The following OR9Q1 variants were observed in gnomAD, a reference collection of about 807,000 sequenced individuals.
OR9Q1 encodes olfactory receptor family 9 subfamily Q member 1, also known as olfactory receptor 9Q1.
For synonymous variants in OR9Q1, 153 were observed against 148.6 expected (o/e 1.03, Z -0.22); for missense variants, 374 against 378.8 (o/e 0.99, Z 0.11).
chr11:58,125,248 C>G (rs1185590592), intron 2 of OR9Q1: 1 of 105,698 alleles, frequency 9.5e-6, no homozygotes, highest in Non-Finnish European at 1.8e-5. Flanking sequence ...CGCCCCCCCC[C>G]CAAAAAAAAG....
At chr11:58,030,858 A>G (rs1479418120) in intron 1 of OR9Q1, 1 of 748,098 alleles carries the variant, frequency 1.3e-6, no homozygotes, top group Non-Finnish European at 2.3e-6. Flanking sequence ...CTGAAGTGAA[A>G]GGCATTTTAG....
At chr11:58,101,216 GT>G (rs1392614465) in intron 2 of OR9Q1, among the ~76,000 whole-genome samples, 10 of 151,910 alleles carry the variant, frequency 6.6e-5, no homozygotes, top group Non-Finnish European at 1.0e-4. Context: ...TCTTTATACT[GT>G]TTTCCATAGA....
chr11:58,170,745 C>T (rs1324397587), intron 2 of OR9Q1, among the ~76,000 whole-genome samples: 3 of 152,084 alleles, frequency 2.0e-5, no homozygotes, highest in Non-Finnish European at 2.9e-5. Flanking sequence ...CTCTTGTCTG[C>T]CACCATGTAA....
chr11:58,170,737 CTT>C (rs1279115572), intron 2 of OR9Q1, among the ~76,000 whole-genome samples: 4 of 152,134 alleles, frequency 2.6e-5, no homozygotes, highest in African/African-American at 9.7e-5. Flanking sequence ...CATTCTCTCT[CTT>C]GTCTGCCACC....
chr11:58,118,906 T>C (rs1853991430), intron 2 of OR9Q1: 3 of 1,613,314 alleles, frequency 1.9e-6, no homozygotes, highest in Non-Finnish European at 2.5e-6. Context: ...GGGTGGGAGG[T>C]CACAGAAGAA....
intron 2 of OR9Q1, among the ~76,000 whole-genome samples, chr11:58,128,754 G>A (rs567253183): frequency 6.6e-6 from 1 of 152,102 alleles, no homozygotes; most frequent in African/African-American, 2.4e-5. Flanking sequence ...ATATGTATGT[G>A]TCTACATAAA....
At chr11:58,115,517 A>C (rs61902765) in intron 2 of OR9Q1, among the ~76,000 whole-genome samples, 20,701 of 152,230 alleles carry the variant, frequency 0.14, 1,805 homozygotes, top group Non-Finnish European at 0.21. Context: ...TTGTCAATTA[A>C]AAATAAAGAA....
intron 2 of OR9Q1, among the ~76,000 whole-genome samples, chr11:58,158,137 A>G (rs1854424885): frequency 6.6e-6 from 1 of 152,214 alleles, no homozygotes; most frequent in Non-Finnish European, 1.5e-5. Context: ...CTGGGGTATC[A>G]GGGTCCAACT....
intron 1 of OR9Q1, among the ~76,000 whole-genome samples, chr11:58,041,973 G>A (rs1184388277): frequency 6.6e-6 from 1 of 152,178 alleles, no homozygotes; most frequent in Non-Finnish European, 1.5e-5. Context: ...CCTTTAAATT[G>A]ACCAACCATT....
chr11:58,078,648 TTACCTC>T (rs1410849227), intron 2 of OR9Q1: 1 of 152,212 alleles, frequency 6.6e-6, no homozygotes, highest in African/African-American at 2.4e-5. Context: ...AAATAGAATA[TTACCTC>T]TAGAACTGTG....
intron 2 of OR9Q1, among the ~76,000 whole-genome samples, chr11:58,124,097 G>A (rs1854064249): frequency 6.6e-6 from 1 of 152,114 alleles, no homozygotes; most frequent in African/African-American, 2.4e-5. Context: ...TTCCCAGAGG[G>A]AAAAATTTTA....
intron 2 of OR9Q1, among the ~76,000 whole-genome samples, chr11:58,174,349 A>T (rs902334976): frequency 6.6e-6 from 1 of 152,256 alleles, no homozygotes; most frequent in South Asian, 2.1e-4. Context: ...TGGTCAAGTT[A>T]GCCGAGCCCA....
chr11:58,076,223 A>G (rs947723589), intron 2 of OR9Q1, among the ~76,000 whole-genome samples: 1 of 152,216 alleles, frequency 6.6e-6, no homozygotes, highest in African/African-American at 2.4e-5. Context: ...TAGCAGCTCA[A>G]AGCAACACAA....
At chr11:58,076,265 A>C (rs1173380249) in intron 2 of OR9Q1, among the ~76,000 whole-genome samples, 1 of 152,238 alleles carries the variant, frequency 6.6e-6, no homozygotes, top group Non-Finnish European at 1.5e-5. Flanking sequence ...AAGAGTCAGC[A>C]TAGAGGTTAT....
intron 2 of OR9Q1, among the ~76,000 whole-genome samples, chr11:58,087,062 T>A (rs1289206980): frequency 6.6e-6 from 1 of 151,826 alleles, no homozygotes; most frequent in African/African-American, 2.4e-5. Context: ...ATTGGTTTAA[T>A]AATTCTGCAG....
chr11:58,066,699 GC>G (rs1853433443), intron 2 of OR9Q1, among the ~76,000 whole-genome samples: 2 of 152,144 alleles, frequency 1.3e-5, no homozygotes, highest in Non-Finnish European at 1.5e-5. Flanking sequence ...TGGGAAGGAT[GC>G]CCTTCCCATC....
intron 2 of OR9Q1, among the ~76,000 whole-genome samples, chr11:58,096,732 C>T (rs1327820261): frequency 2.3e-5 from 3 of 130,832 alleles, no homozygotes; most frequent in African/African-American, 8.7e-5. Context: ...GAGGTGGAGT[C>T]TTGCTCTGTC....
chr11:58,028,467 A>G (rs1275315208), intron 1 of OR9Q1, among the ~76,000 whole-genome samples: 1 of 152,186 alleles, frequency 6.6e-6, no homozygotes, highest in African/African-American at 2.4e-5. Flanking sequence ...TTGATCCCAG[A>G]GCTGTTTGAC....
chr11:58,082,383 A>G (rs370127566), intron 2 of OR9Q1, among the ~76,000 whole-genome samples: 3 of 152,022 alleles, frequency 2.0e-5, no homozygotes, highest in Admixed American at 6.6e-5. Flanking sequence ...TAAGAAAATG[A>G]GGCACATATA....
Sources: allele counts gnomAD v4.1 joint callset (sites outside exome capture counted in the v4.1 genomes callset), GRCh38; gene constraint gnomAD v4.1.1; transcripts MANE v1.5; gene names NCBI Gene and HGNC (gene_info 2026-07-23, HGNC 2026-07-21).